Variants in TLE4 observed in about 807,000 individuals in gnomAD.
TLE4 encodes TLE family member 4, transcriptional corepressor.
A neutral mutation model predicts 92.8 loss-of-function variants in TLE4; 8 were observed. The observed-to-expected ratio is 0.09, with a 90% CI of 0.05 to 0.16. The LOEUF is 0.16. TLE4 is among the 10% of genes least tolerant of loss of function. The pLI is 1.00. For synonymous variants in TLE4, 371 were observed against 374.1 expected (o/e 0.99, Z 0.10); for missense variants, 675 against 997.6 (o/e 0.68, Z 4.36).
intron 6 of TLE4, among the ~76,000 whole-genome samples, chr9:79,644,361 G>T (rs1274441189): frequency 6.6e-6 from 1 of 152,014 alleles, no homozygotes; most frequent in African/African-American, 2.4e-5. Flanking sequence ...CCCAGTCTTG[G>T]GTATGTCTAT....
At chr9:79,681,839 T>TGC (rs1442106685) in intron 8 of TLE4, among the ~76,000 whole-genome samples, 2 of 128,764 alleles carry the variant, frequency 1.6e-5, no homozygotes, top group Non-Finnish European at 3.3e-5. Context: ...TGCATGTGTG[T>TGC]GTGTGTGTGT....
At chr9:79,662,663 C>T (rs1384039917) in intron 8 of TLE4, among the ~76,000 whole-genome samples, 6 of 152,142 alleles carry the variant, frequency 3.9e-5, no homozygotes, top group African/African-American at 9.6e-5. Context: ...TTGCCTCCTT[C>T]GATGTAAACA....
chr9:79,618,556 AT>A (rs1274145478), intron 5 of TLE4, among the ~76,000 whole-genome samples: 21 of 152,166 alleles, frequency 1.4e-4, no homozygotes, highest in Middle Eastern at 3.2e-3. Flanking sequence ...AATGGCATTC[AT>A]TTTTAACCTT....
chr9:79,709,070 T>C (rs908876455), intron 13 of TLE4, among the ~76,000 whole-genome samples: 1 of 152,178 alleles, frequency 6.6e-6, no homozygotes, highest in African/African-American at 2.4e-5. Flanking sequence ...TGGCCTCATA[T>C]GATCTGCCTG....
At chr9:79,680,570 A>C (rs1194899049) in intron 8 of TLE4, among the ~76,000 whole-genome samples, 1 of 152,180 alleles carries the variant, frequency 6.6e-6, no homozygotes, top group Non-Finnish European at 1.5e-5. Flanking sequence ...TGTCATCTGC[A>C]AACAGGGAGG....
In TLE4 at chr9:79,576,562, CG is replaced by C. The variant is rs2037843117; in HGVS notation, c.252+386del. The C allele has an allele frequency of 3.9e-5, 6 of 154,102 alleles. No homozygotes were observed. The Admixed American group carries it at 3.9e-4, about 10-fold the overall frequency. 9.5% of individuals were successfully genotyped at this position (154,102 alleles called of 1,614,324 possible). A position where few individuals can be genotyped will look rare whatever the true frequency, so the allele number is the denominator to read the frequency against. Reference sequence around the variant, plus strand: ...TAAACAGTAAAATTAAATTGTGTGGCGCCTTCGTTGGCTTGATGTGAAAGAA... The same window carrying C: ...TAAACAGTAAAATTAAATTGTGTGGCCCTTCGTTGGCTTGATGTGAAAGAA... On this transcript the variant is annotated intron_variant, in intron 4 of 19. Coordinates refer to ENST00000376552, the MANE Select transcript of TLE4 (RefSeq NM_007005.6).
At chr9:79,574,846 A>T in intron 2 of TLE4, 27 bp from the exon 3 acceptor site, 1 of 1,599,400 alleles carries the variant, frequency 6.3e-7, no homozygotes, top group East Asian at 2.2e-5. Context: ...AGATCATTGT[A>T]CTTAGAGTAT....
intron 6 of TLE4, among the ~76,000 whole-genome samples, chr9:79,635,519 G>T (rs2055521008): frequency 6.7e-6 from 1 of 149,508 alleles, no homozygotes; most frequent in Non-Finnish European, 1.5e-5. Context: ...TTACATTTAG[G>T]TCTATAATTC....
intron 8 of TLE4, 135 bp from the exon 9 acceptor site, chr9:79,704,648 C>T: frequency 8.4e-7 from 1 of 1,185,724 alleles, no homozygotes; most frequent in Non-Finnish European, 1.2e-6. Context: ...CCTCCGCTTT[C>T]TCCTATCTCC....
chr9:79,636,435 C>T (rs2055854227), intron 6 of TLE4, among the ~76,000 whole-genome samples: 2 of 152,138 alleles, frequency 1.3e-5, no homozygotes, highest in Admixed American at 6.5e-5. Flanking sequence ...TCTGCTGTCA[C>T]ATACCACTTA....
At chr9:79,604,424 A>G (rs1268474243) in intron 4 of TLE4, among the ~76,000 whole-genome samples, 4 of 152,176 alleles carry the variant, frequency 2.6e-5, no homozygotes, top group African/African-American at 9.7e-5. Context: ...TTGGGTTTTG[A>G]TAAGAGCAGC....
intron 6 of TLE4, among the ~76,000 whole-genome samples, chr9:79,644,897 G>C (rs1489875818): frequency 6.6e-6 from 1 of 152,166 alleles, no homozygotes; most frequent in Admixed American, 6.5e-5. Context: ...TGGTGGATGA[G>C]TAGTATGGTT....
At chr9:79,699,520 T>G (rs2069190510) in intron 8 of TLE4, among the ~76,000 whole-genome samples, 1 of 152,168 alleles carries the variant, frequency 6.6e-6, no homozygotes. Context: ...CTTGACATAT[T>G]TTAGTGGTAC....
At chr9:79,710,992 ACACTCGGG>A (rs1446216490) in intron 14 of TLE4, among the ~76,000 whole-genome samples, 1 of 152,126 alleles carries the variant, frequency 6.6e-6, no homozygotes, top group East Asian at 1.9e-4. Flanking sequence ...TCACTCCCAC[ACACTCGGG>A]CACTTAGTTT....
chr9:79,588,233 C>A lies in TLE4; in HGVS notation c.252+12056C>A, dbSNP rs569182680. ...CGTGATCTCGGCTCATTGTGATCTC[C>A]GCCTCCTGGGTTCAAGTGATTCTCC... On this transcript the variant is annotated intron_variant, in intron 4 of 19. Transcript: ENST00000376552. Among the ~76,000 whole-genome samples the A allele has an allele frequency of 1.3e-4, 19 of 151,622 alleles. No individual in the cohort carries two copies. The South Asian group carries it at 4.0e-3, about 32-fold the overall frequency.
intron 4 of TLE4, among the ~76,000 whole-genome samples, chr9:79,578,519 G>A (rs550817285): frequency 1.1e-4 from 16 of 152,276 alleles, no homozygotes; most frequent in African/African-American, 3.8e-4. Context: ...CTGATAAAAA[G>A]ATAAAAGTAT....
At chr9:79,631,663 T>TGTGTGTGTG (rs1312981283) in intron 6 of TLE4, among the ~76,000 whole-genome samples, 50 of 148,632 alleles carry the variant, frequency 3.4e-4, no homozygotes, top group South Asian at 1.7e-3. Context: ...TGTGTGTGTG[T>TGTGTGTGTG]TTTCTACATT....
chr9:79,572,923 G>C, intron 1 of TLE4, 88 bp downstream of exon 1: 1 of 1,375,960 alleles, frequency 7.3e-7, no homozygotes, highest in Non-Finnish European at 9.8e-7. Context: ...TCTTTTGGCC[G>C]GAGGGGCGTG....
In TLE4 at chr9:79,698,031, G is replaced by T. The variant is rs112687998; in HGVS notation, c.610-6752G>T. On this transcript the variant is annotated intron_variant, in intron 8 of 19. Transcript: ENST00000376552. ...GCGGTTGTTTCCACATTTGCCAAAA[G>T]GGAATAGCTGTCTATGGGGGCTTAC... Among the ~76,000 whole-genome samples, 8 of 152,300 alleles carry T rather than the reference G, an allele frequency of 5.3e-5. No individual in the cohort carries two copies. The South Asian group carries it at 1.7e-3, about 32-fold the overall frequency.
Sources: gnomAD v4.1 joint callset for allele counts (sites outside exome capture counted in the v4.1 genomes callset) on GRCh38, gnomAD v4.1.1 for gene constraint, MANE v1.5 for transcripts, NCBI Gene and HGNC (gene_info 2026-07-23, HGNC 2026-07-21) for gene names.